The following DACH2 variants were observed in gnomAD, a reference collection of about 807,000 sequenced individuals.
DACH2 encodes the protein dachshund family transcription factor 2.
DACH2 carries 17 observed loss-of-function variants against 35.8 expected under a neutral mutation model. The ratio of observed to expected loss-of-function variants is 0.48; its 90% CI spans 0.33 to 0.71. The LOEUF (loss-of-function observed/expected upper bound fraction) is 0.71, where lower values mean the gene tolerates loss of function less well. Ranked by LOEUF, DACH2 falls within the 30% of genes least tolerant of loss-of-function variation. The pLI, the probability that DACH2 is intolerant of heterozygous loss-of-function variation, is 0.02. For synonymous variants in DACH2, 195 were observed against 177.3 expected, an observed-to-expected ratio of 1.10 and a Z score of -0.79; for missense variants, 469 against 472.7, an observed-to-expected ratio of 0.99 and a Z score of 0.07.
chrX:86,218,775 A>T (rs920757037), intron 1 of DACH2, among the ~76,000 whole-genome samples: 1 of 111,912 alleles, frequency 8.9e-6, no homozygotes, highest in African/African-American at 3.2e-5. Flanking sequence ...TGTTGTTTGT[A>T]TTCTACAATA....
chrX:86,360,586 G>A (rs930245172), intron 1 of DACH2, among the ~76,000 whole-genome samples: 3 of 110,709 alleles, frequency 2.7e-5, no homozygotes, highest in African/African-American at 3.3e-5. Context: ...TCACCCTATC[G>A]ACACATTTAT....
intron 4 of DACH2, among the ~76,000 whole-genome samples, chrX:86,661,618 G>A (rs911933327): frequency 8.9e-6 from 1 of 111,819 alleles, no homozygotes; most frequent in Admixed American, 9.5e-5. Context: ...CCACTTTCTG[G>A]CTACTATAAA....
intron 3 of DACH2, among the ~76,000 whole-genome samples, chrX:86,628,901 T>A (rs2040167863): frequency 8.9e-6 from 1 of 112,309 alleles, no homozygotes; most frequent in African/African-American, 3.2e-5. Flanking sequence ...ATTCTCCTAC[T>A]GGCAGTTTGA....
chrX:86,274,454 TTTTTTTTTTTC>T (rs2033871483), intron 1 of DACH2, among the ~76,000 whole-genome samples: 1 of 49,488 alleles, frequency 2.0e-5, no homozygotes, highest in African/African-American at 1.2e-4. Flanking sequence ...TTAAATCCTT[TTTTTTTTTTTC>T]TTTTTTTTTT....
intron 2 of DACH2, among the ~76,000 whole-genome samples, chrX:86,470,025 C>G (rs2037737838): frequency 9.1e-6 from 1 of 109,294 alleles, no homozygotes; most frequent in Non-Finnish European, 1.9e-5. Context: ...GACAGATGCT[C>G]TCAGTTAGAT....
intron 6 of DACH2, among the ~76,000 whole-genome samples, chrX:86,738,054 C>A (rs2041614902): frequency 9.0e-6 from 1 of 111,670 alleles, no homozygotes; most frequent in South Asian, 3.8e-4. Flanking sequence ...CTCCCTCTGA[C>A]CCTTCTTTTC....
chrX:86,233,663 C>T (rs943493313), intron 1 of DACH2, among the ~76,000 whole-genome samples: 5 of 111,664 alleles, frequency 4.5e-5, no homozygotes, highest in South Asian at 3.8e-4. Context: ...TCCATTTTCA[C>T]GCTGCTGATA....
At chrX:86,817,944 T>C (rs187544861) in intron 11 of DACH2, among the ~76,000 whole-genome samples, 1 of 112,268 alleles carries the variant, frequency 8.9e-6, no homozygotes, top group East Asian at 2.8e-4. Context: ...ATGAGATAGT[T>C]AGATTCATCT....
At chrX:86,312,834 C>T (rs1370622597) in intron 1 of DACH2, among the ~76,000 whole-genome samples, 1 of 111,189 alleles carries the variant, frequency 9.0e-6, no homozygotes, top group African/African-American at 3.3e-5. Context: ...AATAAACTCT[C>T]CTATTAGTTC....
intron 1 of DACH2, among the ~76,000 whole-genome samples, chrX:86,375,143 C>T (rs1218359843): frequency 9.3e-6 from 1 of 107,390 alleles, no homozygotes; most frequent in East Asian, 2.9e-4. Flanking sequence ...AGGTAAACTC[C>T]TAATTTTCTG....
At chrX:86,498,833 C>T (rs910879758) in intron 2 of DACH2, among the ~76,000 whole-genome samples, 1 of 111,775 alleles carries the variant, frequency 8.9e-6, no homozygotes, top group Non-Finnish European at 1.9e-5. Flanking sequence ...TAGCATTTCT[C>T]TCAAAAGTGC....
chrX:86,826,875 T>C (rs1015900424), intron 11 of DACH2, among the ~76,000 whole-genome samples: 1 of 112,350 alleles, frequency 8.9e-6, no homozygotes, highest in Non-Finnish European at 1.9e-5. Flanking sequence ...CTAAATTATA[T>C]AGTGCCCATT....
At chrX:86,182,806 G>A (rs2031541827) in intron 1 of DACH2, among the ~76,000 whole-genome samples, 2 of 92 alleles carry the variant, frequency 0.022, no homozygotes, top group South Asian at 1. Flanking sequence ...TTCTATCCAT[G>A]AGATGGAATG....
chrX:86,305,701 A>G (rs2034672228), intron 1 of DACH2, among the ~76,000 whole-genome samples: 1 of 111,386 alleles, frequency 9.0e-6, no homozygotes, highest in Non-Finnish European at 1.9e-5. Flanking sequence ...TATCAGGAAT[A>G]TATATAACAA....
At chrX:86,691,102 C>G (rs2041005265) in intron 4 of DACH2, among the ~76,000 whole-genome samples, 1 of 110,038 alleles carries the variant, frequency 9.1e-6, no homozygotes, top group African/African-American at 3.3e-5. Flanking sequence ...ACTGCCTACC[C>G]TGCTAGCCTC....
At chrX:86,594,771 A>G (rs1437081631) in intron 3 of DACH2, among the ~76,000 whole-genome samples, 1 of 112,012 alleles carries the variant, frequency 8.9e-6, no homozygotes, top group Non-Finnish European at 1.9e-5. Flanking sequence ...TGAAAAATAT[A>G]TAAATATCAA....
At chrX:86,678,372 T>C (rs934997868) in intron 4 of DACH2, among the ~76,000 whole-genome samples, 1 of 112,060 alleles carries the variant, frequency 8.9e-6, no homozygotes, top group Non-Finnish European at 1.9e-5. Context: ...CATTGCCAAA[T>C]TGGAAATATG....
intron 1 of DACH2, among the ~76,000 whole-genome samples, chrX:86,356,344 A>T (rs780441143): frequency 9.0e-6 from 1 of 110,824 alleles, no homozygotes; most frequent in South Asian, 3.8e-4. Flanking sequence ...ATGGTTGTAG[A>T]TGTGTGGCCT....
At chrX:86,155,000 C>G (rs768940967) in intron 1 of DACH2, among the ~76,000 whole-genome samples, 2 of 111,016 alleles carry the variant, frequency 1.8e-5, no homozygotes, top group South Asian at 7.5e-4. Flanking sequence ...TGGTGGAGAT[C>G]AACATATTAA....
Sources: gnomAD v4.1 joint callset for allele counts (sites outside exome capture counted in the v4.1 genomes callset) on GRCh38, gnomAD v4.1.1 for gene constraint, MANE v1.5 for transcripts, NCBI Gene and HGNC (gene_info 2026-07-23, HGNC 2026-07-21) for gene names.